SNTG1: variants seen among roughly 807,000 people sequenced by gnomAD.
SNTG1 encodes the protein syntrophin gamma 1, also known as gamma-1-syntrophin.
SNTG1 carries 39 observed loss-of-function variants against 74.7 expected under a neutral mutation model. The ratio of observed to expected loss-of-function variants is 0.52; its 90% CI spans 0.40 to 0.68. The LOEUF is 0.68. SNTG1 is among the 30% of genes least tolerant of loss of function. The probability of loss-of-function intolerance (pLI) is 0.00; values close to 1 mark genes in which losing one functional copy is unlikely to be tolerated. For synonymous variants in SNTG1, 254 were observed against 217.1 expected, an observed-to-expected ratio of 1.17 and a Z score of -1.49; for missense variants, 685 against 609.5, an observed-to-expected ratio of 1.12 and a Z score of -1.30.
At chr8:50,053,803 C>T (rs1040017889) in intron 1 of SNTG1, among the ~76,000 whole-genome samples, 4 of 151,868 alleles carry the variant, frequency 2.6e-5, no homozygotes, top group Non-Finnish European at 5.9e-5. Context: ...CAACACAAAC[C>T]CCACCACAAC....
At chr8:50,131,642 C>T (rs1202276931) in intron 1 of SNTG1, among the ~76,000 whole-genome samples, 2 of 152,064 alleles carry the variant, frequency 1.3e-5, no homozygotes, top group Non-Finnish European at 2.9e-5. Flanking sequence ...CCTCAATGAA[C>T]ATGGGAGTAT....
At chr8:50,147,168 A>G (rs2081902125) in intron 1 of SNTG1, among the ~76,000 whole-genome samples, 2 of 152,178 alleles carry the variant, frequency 1.3e-5, no homozygotes, top group African/African-American at 4.8e-5. Flanking sequence ...TAGATACATG[A>G]CTCTACGCAT....
intron 15 of SNTG1, among the ~76,000 whole-genome samples, chr8:50,681,654 G>A (rs973233464): frequency 2.6e-4 from 40 of 152,120 alleles, no homozygotes; most frequent in Non-Finnish European, 1.9e-4. Context: ...CGAGAGAGGA[G>A]GACCGAAAGC....
chr8:50,228,875 A>C, intron 2 of SNTG1, among the ~76,000 whole-genome samples: 1 of 151,912 alleles, frequency 6.6e-6, no homozygotes, highest in African/African-American at 2.4e-5. Context: ...AGATATATTT[A>C]ATGTGTTATT....
chr8:50,693,799 C>G (rs1200892201), intron 15 of SNTG1, among the ~76,000 whole-genome samples: 1 of 152,132 alleles, frequency 6.6e-6, no homozygotes, highest in Non-Finnish European at 1.5e-5. Context: ...AAATCAATAA[C>G]AGTAAGGATT....
At chr8:50,189,750 G>A (rs1446268302) in intron 2 of SNTG1, among the ~76,000 whole-genome samples, 1 of 152,066 alleles carries the variant, frequency 6.6e-6, no homozygotes, top group Non-Finnish European at 1.5e-5. Flanking sequence ...ATACATTTCA[G>A]AAGAGATAAA....
At chr8:50,475,234 A>AATG (rs1173567642) in intron 8 of SNTG1, among the ~76,000 whole-genome samples, 1 of 151,550 alleles carries the variant, frequency 6.6e-6, no homozygotes, top group East Asian at 1.9e-4. Flanking sequence ...TAATAATAAT[A>AATG]ATAATAATAA....
At chr8:50,683,135 T>C (rs1378696838) in intron 15 of SNTG1, among the ~76,000 whole-genome samples, 1 of 152,178 alleles carries the variant, frequency 6.6e-6, no homozygotes, top group East Asian at 1.9e-4. Context: ...GTCCCCACAC[T>C]GGAACAGCGC....
chr8:49,957,376 A>G (rs1810271833), intron 1 of SNTG1, among the ~76,000 whole-genome samples: 1 of 152,214 alleles, frequency 6.6e-6, no homozygotes, highest in African/African-American at 2.4e-5. Flanking sequence ...CATTTTCTAA[A>G]TGTATTATTA....
chr8:49,944,343 C>T (rs1023962748), intron 1 of SNTG1, among the ~76,000 whole-genome samples: 1 of 152,058 alleles, frequency 6.6e-6, no homozygotes, highest in Admixed American at 6.6e-5. Flanking sequence ...CTTCATTCTA[C>T]AGATCAGTAG....
At chr8:50,054,175 A>G (rs1819826716) in intron 1 of SNTG1, among the ~76,000 whole-genome samples, 1 of 152,032 alleles carries the variant, frequency 6.6e-6, no homozygotes, top group Non-Finnish European at 1.5e-5. Context: ...ATTATTATTT[A>G]ATGGACTCCA....
chr8:49,913,454 G>A (rs1029046848), intron 1 of SNTG1, among the ~76,000 whole-genome samples: 4 of 152,178 alleles, frequency 2.6e-5, no homozygotes, highest in Non-Finnish European at 5.9e-5. Context: ...GTGGGGTGAT[G>A]TCCTCTTGTT....
intron 2 of SNTG1, among the ~76,000 whole-genome samples, chr8:50,343,823 A>G (rs964394663): frequency 2.0e-5 from 3 of 152,256 alleles, no homozygotes; most frequent in Non-Finnish European, 2.9e-5. Context: ...CTCAGAAAAA[A>G]TGAGATGCAC....
chr8:50,666,565 A>T (rs1391567756), intron 15 of SNTG1, among the ~76,000 whole-genome samples: 3 of 152,238 alleles, frequency 2.0e-5, no homozygotes, highest in African/African-American at 7.2e-5. Context: ...ATGTTCTTTA[A>T]ATCTGATTGT....
chr8:50,325,728 T>G (rs991017949), intron 2 of SNTG1, among the ~76,000 whole-genome samples: 2 of 152,104 alleles, frequency 1.3e-5, no homozygotes, highest in Non-Finnish European at 2.9e-5. Flanking sequence ...ACCTTTTATT[T>G]CCTTTTCACA....
intron 17 of SNTG1, chr8:50,709,290 C>A: frequency 2.7e-6 from 1 of 364,192 alleles, no homozygotes; most frequent in East Asian, 4.1e-5. Flanking sequence ...GGGACATTTT[C>A]TTCCCCAAAA....
chr8:50,191,432 C>T (rs558477395), intron 2 of SNTG1, among the ~76,000 whole-genome samples: 167 of 152,184 alleles, frequency 1.1e-3, no homozygotes, highest in Middle Eastern at 6.8e-3. Context: ...AGTAGTGTTC[C>T]ATTGATTCAC....
At chr8:50,204,572 A>T (rs981755215) in intron 2 of SNTG1, among the ~76,000 whole-genome samples, 1 of 152,096 alleles carries the variant, frequency 6.6e-6, no homozygotes, top group East Asian at 1.9e-4. Context: ...AAAATAAGAT[A>T]TAAATTTTTT....
At chr8:50,236,494 A>G (rs1484984408) in intron 2 of SNTG1, among the ~76,000 whole-genome samples, 1 of 140,354 alleles carries the variant, frequency 7.1e-6, no homozygotes, top group Non-Finnish European at 1.5e-5. Flanking sequence ...TCTTTAGGCC[A>G]GGCTGGAGTG....
Sources: gnomAD v4.1 joint callset for allele counts (sites outside exome capture counted in the v4.1 genomes callset) on GRCh38, gnomAD v4.1.1 for gene constraint, MANE v1.5 for transcripts, NCBI Gene and HGNC (gene_info 2026-07-23, HGNC 2026-07-21) for gene names.